The following BTRC variants were observed in gnomAD, a reference collection of about 807,000 sequenced individuals.
The protein encoded by BTRC is beta-transducin repeat containing E3 ubiquitin protein ligase, also known as F-box/WD repeat-containing protein 1A.
A neutral mutation model predicts 85.5 loss-of-function variants in BTRC; 42 were observed. The ratio of observed to expected loss-of-function variants is 0.49; its 90% CI spans 0.38 to 0.64. The LOEUF (loss-of-function observed/expected upper bound fraction) is 0.64. Among genes scored for constraint, BTRC ranks in the 30% least tolerant of loss-of-function variants. The pLI, the probability that BTRC is intolerant of heterozygous loss-of-function variation, is 0.00. For missense variants in BTRC, 594 were observed against 743.5 expected (o/e 0.80, Z 2.34); for synonymous variants, 255 against 263.3 (o/e 0.97, Z 0.30).
At chr10:101,390,267 GAATA>G (rs1403111645) in intron 1 of BTRC, among the ~76,000 whole-genome samples, 1 of 151,328 alleles carries the variant, frequency 6.6e-6, no homozygotes, top group African/African-American at 2.4e-5. Flanking sequence ...TCATTGTAGG[GAATA>G]AATCAAACAA....
At chr10:101,357,457 AAAAAG>A (rs1330258809) in intron 1 of BTRC, among the ~76,000 whole-genome samples, 2 of 151,482 alleles carry the variant, frequency 1.3e-5, no homozygotes, top group South Asian at 2.1e-4. Context: ...AAAAAAAAAA[AAAAAG>A]GAAGCTATTT....
chr10:101,424,086 TAGTC>T (rs1324877361), intron 1 of BTRC, among the ~76,000 whole-genome samples: 1 of 152,022 alleles, frequency 6.6e-6, no homozygotes, highest in Non-Finnish European at 1.5e-5. Flanking sequence ...ATACAAAAAT[TAGTC>T]AGGCGTGGTG....
intron 4 of BTRC, among the ~76,000 whole-genome samples, chr10:101,518,192 G>T (rs898700441): frequency 6.6e-6 from 1 of 152,130 alleles, no homozygotes; most frequent in African/African-American, 2.4e-5. Flanking sequence ...GATTACAGGC[G>T]TGAGCCACCG....
At chr10:101,432,693 A>G (rs773449774) in intron 2 of BTRC, among the ~76,000 whole-genome samples, 4 of 152,160 alleles carry the variant, frequency 2.6e-5, no homozygotes, top group Non-Finnish European at 4.4e-5. Context: ...ACTGAAAACA[A>G]TTATACTCAC....
intron 2 of BTRC, among the ~76,000 whole-genome samples, chr10:101,436,260 G>T (rs903975730): frequency 1.3e-4 from 20 of 152,144 alleles, no homozygotes; most frequent in Admixed American, 9.8e-4. Flanking sequence ...GAGCAATAGA[G>T]TTAAAGTAAT....
intron 1 of BTRC, among the ~76,000 whole-genome samples, chr10:101,428,675 A>G (rs1309763410): frequency 6.6e-6 from 1 of 152,186 alleles, no homozygotes; most frequent in African/African-American, 2.4e-5. Flanking sequence ...TCATGGATAA[A>G]TACTTAATTT....
intron 1 of BTRC, among the ~76,000 whole-genome samples, chr10:101,360,802 T>TA (rs1942184533): frequency 2.0e-5 from 3 of 152,176 alleles, no homozygotes; most frequent in South Asian, 4.1e-4. Flanking sequence ...CAGCCTAAAA[T>TA]ACTTTTTAAA....
At position 101,555,439 on chromosome 10, in the gene BTRC, G is replaced by A. The variant is rs1267447634; in HGVS notation, c.*2316G>A. The A allele has an allele frequency of 6.6e-6, 1 of 152,628 alleles. No individual in the cohort carries two copies. Among genetic ancestry groups the A allele is most frequent in the Non-Finnish European group, 1.5e-5 (1 of 68,048 alleles). 9.5% of individuals were successfully genotyped at this position (152,628 alleles called of 1,614,324 possible). A position where few individuals can be genotyped will look rare whatever the true frequency, so the allele number is the denominator to read the frequency against. On this transcript the variant is annotated 3_prime_UTR_variant, in exon 15 of 15. Transcript: ENST00000370187. ...TCGGGGCGACCCCTGCAGATGTGGA[G>A]CCATTAGCCCAGTTGAGGATATTCT...
At chr10:101,465,379 A>G (rs921535007) in intron 3 of BTRC, among the ~76,000 whole-genome samples, 2 of 152,236 alleles carry the variant, frequency 1.3e-5, no homozygotes. Context: ...TAACTACTGC[A>G]TGTTAATTTG....
At chr10:101,455,059 A>C (rs986048639) in intron 2 of BTRC, among the ~76,000 whole-genome samples, 9 of 148,786 alleles carry the variant, frequency 6.0e-5, no homozygotes, top group Non-Finnish European at 7.5e-5. Flanking sequence ...AATCCAAGAA[A>C]CTTTTTTTTT....
At chr10:101,374,793 A>G (rs557735614) in intron 1 of BTRC, among the ~76,000 whole-genome samples, 4,114 of 152,244 alleles carry the variant, frequency 0.027, 194 homozygotes, top group African/African-American at 0.091. Flanking sequence ...AAATAAAAAA[A>G]AAAAAAAGAA....
chr10:101,354,068 TA>T, upstream of BTRC: 1 of 1,288,234 alleles, frequency 7.8e-7, no homozygotes, highest in Non-Finnish European at 1.1e-6. Flanking sequence ...GCCTGAGAGG[TA>T]AGAGAGGGCG....
At position 101,532,478 on chromosome 10, in the gene BTRC, G is replaced by GACC. The variant is rs1203351199; in HGVS notation, c.978+49_978+51dup. On this transcript the variant is annotated intron_variant, in intron 8 of 14. Transcript: ENST00000370187. ...GAAAGGTAGCAGAGGGAGCAAGAGTGACCACATTCATAGCGCAGTCTAAAG... is the reference window on the plus strand; with the variant it reads ...GAAAGGTAGCAGAGGGAGCAAGAGTGACCACCACATTCATAGCGCAGTCTAAAG... 24 of 1,548,504 alleles carry GACC rather than the reference G, an allele frequency of 1.5e-5. No individual in the cohort carries two copies. In the East Asian group the frequency reaches 5.5e-4, roughly 36 times the overall value.
intron 1 of BTRC, among the ~76,000 whole-genome samples, chr10:101,367,348 G>A (rs989444821): frequency 2.6e-5 from 4 of 151,726 alleles, no homozygotes; most frequent in East Asian, 1.9e-4. Flanking sequence ...GATTACAGGC[G>A]TGAGCCACTC....
intron 1 of BTRC, among the ~76,000 whole-genome samples, chr10:101,423,966 G>A (rs149690847): frequency 9.3e-4 from 142 of 152,130 alleles, no homozygotes; most frequent in Non-Finnish European, 1.6e-3. Context: ...GAGGTGGCTC[G>A]TGCCTGTAAT....
At chr10:101,473,626 A>T (rs1435449756) in intron 3 of BTRC, among the ~76,000 whole-genome samples, 1 of 151,910 alleles carries the variant, frequency 6.6e-6, no homozygotes, top group African/African-American at 2.4e-5. Context: ...ACTTGCCACC[A>T]TGCCCAGCTA....
rs907001736 is a variant in BTRC at position 101,384,865 on chromosome 10, G to A, written c.48+30637G>A. Among the ~76,000 whole-genome samples, 7 of 152,262 alleles carry A rather than the reference G, an allele frequency of 4.6e-5. No individual in the cohort carries two copies. In the South Asian group the frequency reaches 1.2e-3, roughly 27 times the overall value. ...ACAAGACATAGAAGGTTTTGAAATC[G>A]TGGGACACTACTTAACTGAATTTTT... On this transcript the variant is annotated intron_variant, in intron 1 of 14. Transcript: ENST00000370187.
At chr10:101,505,615 G>A (rs527844886) in intron 4 of BTRC, among the ~76,000 whole-genome samples, 77 of 142,034 alleles carry the variant, frequency 5.4e-4, no homozygotes, top group Non-Finnish European at 5.0e-4. Context: ...GCGAGACTCC[G>A]TCTCAAAAAA....
chr10:101,409,710 A>G (rs533217206), intron 1 of BTRC, among the ~76,000 whole-genome samples: 12 of 152,338 alleles, frequency 7.9e-5, no homozygotes, highest in Non-Finnish European at 1.5e-4. Context: ...AAATGTTGGT[A>G]TTATCATCTG....
Sources: allele counts gnomAD v4.1 joint callset (sites outside exome capture counted in the v4.1 genomes callset), GRCh38; gene constraint gnomAD v4.1.1; transcripts MANE v1.5; gene names NCBI Gene and HGNC (gene_info 2026-07-23, HGNC 2026-07-21).